Variants in JARID2 observed in about 807,000 individuals in gnomAD.
JARID2 encodes jumonji and AT-rich interaction domain containing 2.
A neutral mutation model predicts 125.6 loss-of-function variants in JARID2; 21 were observed. That is an observed-to-expected ratio of 0.17 (90% CI 0.12 to 0.24). The LOEUF is 0.24. JARID2 is among the 10% of genes least tolerant of loss of function. JARID2 has a pLI of 1.00. For missense variants in JARID2, 1,303 were observed against 1,639.6 expected, an observed-to-expected ratio of 0.79 and a Z score of 3.55; for synonymous variants, 736 against 661.6, an observed-to-expected ratio of 1.11 and a Z score of -1.73.
intron 3 of JARID2, among the ~76,000 whole-genome samples, chr6:15,447,469 C>T (rs888802857): frequency 6.6e-6 from 1 of 152,188 alleles, no homozygotes; most frequent in Non-Finnish European, 1.5e-5. Context: ...CTGTGTTACC[C>T]AGGGCAGGAA....
intron 4 of JARID2, among the ~76,000 whole-genome samples, chr6:15,454,933 G>A (rs1022731582): frequency 5.3e-5 from 8 of 152,176 alleles, no homozygotes; most frequent in African/African-American, 1.9e-4. Flanking sequence ...CTGTGAGGCT[G>A]GTAGAGTGTG....
chr6:15,346,558 C>T (rs963850384), intron 1 of JARID2, among the ~76,000 whole-genome samples: 6 of 151,900 alleles, frequency 3.9e-5, no homozygotes, highest in African/African-American at 7.3e-5. Context: ...TCTGCCTTTA[C>T]GCGTTTGGTT....
chr6:15,456,823 G>T (rs935916611), intron 4 of JARID2, among the ~76,000 whole-genome samples: 2 of 145,108 alleles, frequency 1.4e-5, no homozygotes. Context: ...CCCTGTTGTT[G>T]TGGTACTTTA....
At chr6:15,454,440 C>T (rs1423945144) in intron 4 of JARID2, among the ~76,000 whole-genome samples, 2 of 152,142 alleles carry the variant, frequency 1.3e-5, no homozygotes, top group Admixed American at 1.3e-4. Flanking sequence ...AGGTGGGGTT[C>T]CCACCAGTTT....
intron 2 of JARID2, among the ~76,000 whole-genome samples, chr6:15,377,900 T>C (rs1026777330): frequency 1.2e-4 from 18 of 149,480 alleles, no homozygotes; most frequent in Admixed American, 8.1e-4. Context: ...TTTTTTTTTT[T>C]CTTTGAGATG....
chr6:15,320,743 G>A (rs979500001), intron 1 of JARID2, among the ~76,000 whole-genome samples: 4 of 152,068 alleles, frequency 2.6e-5, no homozygotes, highest in African/African-American at 9.7e-5. Flanking sequence ...GTGGAGTTAA[G>A]CATATGGCCT....
At chr6:15,355,581 T>C (rs1012661544) in intron 1 of JARID2, among the ~76,000 whole-genome samples, 1 of 152,082 alleles carries the variant, frequency 6.6e-6, no homozygotes, top group Non-Finnish European at 1.5e-5. Context: ...TCATAGACTT[T>C]TAGTCCTTAG....
intron 3 of JARID2, among the ~76,000 whole-genome samples, chr6:15,445,473 T>C (rs996129547): frequency 2.9e-4 from 44 of 152,282 alleles, no homozygotes; most frequent in African/African-American, 9.9e-4. Context: ...AAGTGAGAGG[T>C]GGCTGTGGGA....
intron 1 of JARID2, among the ~76,000 whole-genome samples, chr6:15,271,108 T>G (rs974476879): frequency 1.3e-5 from 2 of 152,244 alleles, no homozygotes; most frequent in Admixed American, 1.3e-4. Flanking sequence ...GCCTTTCATT[T>G]TATTTCATTT....
chr6:15,469,039 C>A (rs539309444), intron 5 of JARID2, among the ~76,000 whole-genome samples: 4 of 152,026 alleles, frequency 2.6e-5, no homozygotes, highest in African/African-American at 9.7e-5. Flanking sequence ...TCTGTGCCCC[C>A]CTTTAATTAC....
At chr6:15,392,053 TGTGTGTGTGTGTGTGTGTGTGTGTGC>T (rs1311408070) in intron 2 of JARID2, among the ~76,000 whole-genome samples, 1 of 92,478 alleles carries the variant, frequency 1.1e-5, no homozygotes, top group Non-Finnish European at 2.4e-5. Flanking sequence ...TGTGTGTGTG[TGTGTGTGTGTGTGTGTGTGTGTGTGC>T]GTGTCTGGAG....
intron 1 of JARID2, among the ~76,000 whole-genome samples, chr6:15,253,691 A>G (rs1005701874): frequency 1.3e-5 from 2 of 151,968 alleles, no homozygotes; most frequent in African/African-American, 4.8e-5. Flanking sequence ...GCCCACCTCT[A>G]CTGGGGTTCT....
At chr6:15,504,934 G>A (rs1260152831) in intron 9 of JARID2, among the ~76,000 whole-genome samples, 1 of 152,150 alleles carries the variant, frequency 6.6e-6, no homozygotes. Flanking sequence ...TTATGCAAGA[G>A]AATGTTTGGA....
intron 1 of JARID2, among the ~76,000 whole-genome samples, chr6:15,289,472 A>G (rs552700940): frequency 1.1e-4 from 16 of 152,144 alleles, no homozygotes; most frequent in South Asian, 1.0e-3. Flanking sequence ...GGCTCAAGCA[A>G]TCCTCCCGCT....
chr6:15,395,785 C>T (rs1365859560), intron 2 of JARID2, among the ~76,000 whole-genome samples: 1 of 151,996 alleles, frequency 6.6e-6, no homozygotes, highest in East Asian at 1.9e-4. Context: ...CTGCCTCAGC[C>T]TCCCGAGTAG....
chr6:15,416,775 T>C (rs1473773374), intron 3 of JARID2, among the ~76,000 whole-genome samples: 2 of 151,860 alleles, frequency 1.3e-5, no homozygotes, highest in African/African-American at 2.4e-5. Flanking sequence ...ATGGAACCAT[T>C]ACAGAGACTT....
chr6:15,260,851 C>T (rs1261096740), intron 1 of JARID2, among the ~76,000 whole-genome samples: 1 of 152,192 alleles, frequency 6.6e-6, no homozygotes, highest in Non-Finnish European at 1.5e-5. Flanking sequence ...TCTAAATGTA[C>T]TCCTTGCTCT....
At chr6:15,348,564 T>G (rs1285105704) in intron 1 of JARID2, among the ~76,000 whole-genome samples, 2 of 151,748 alleles carry the variant, frequency 1.3e-5, no homozygotes, top group Non-Finnish European at 2.9e-5. Flanking sequence ...CTTAATTAAA[T>G]TTTTTTTTCT....
intron 1 of JARID2, among the ~76,000 whole-genome samples, chr6:15,354,169 G>A (rs907083996): frequency 3.9e-5 from 6 of 152,174 alleles, no homozygotes; most frequent in African/African-American, 1.4e-4. Context: ...ATTAAACAGA[G>A]GTAGGTGGCT....
Sources: gnomAD v4.1 joint callset for allele counts (sites outside exome capture counted in the v4.1 genomes callset) on GRCh38, gnomAD v4.1.1 for gene constraint, MANE v1.5 for transcripts, NCBI Gene and HGNC (gene_info 2026-07-23, HGNC 2026-07-21) for gene names.